LIMS2: variants seen among roughly 807,000 people sequenced by gnomAD.
LIMS2 encodes LIM zinc finger domain containing 2.
In LIMS2, 30 loss-of-function variants were observed where a neutral mutation model predicts 45.3. The ratio of observed to expected loss-of-function variants is 0.66; its 90% confidence interval spans 0.50 to 0.90. The LOEUF (loss-of-function observed/expected upper bound fraction) is 0.90, where lower values mean the gene tolerates loss of function less well. Ranked by LOEUF, LIMS2 falls within the 40% of genes least tolerant of loss-of-function variation. The pLI is 0.00. For missense variants in LIMS2, 485 were observed against 468.7 expected, an observed-to-expected ratio of 1.03 and a Z score of -0.32; for synonymous variants, 173 against 188.0, an observed-to-expected ratio of 0.92 and a Z score of 0.65.
rs1443107958 is a variant in LIMS2 at position 127,672,207 on chromosome 2, G to C, written c.11+2807C>G. ...AATGCCAGGGACAGCTGGGTCCCTA[G>C]GTAGGTGGCCTTAATATCCTCCCTG... On this transcript the variant is annotated intron_variant, in intron 1 of 9. Coordinates refer to ENST00000355119, the MANE Select transcript of LIMS2 (RefSeq NM_001161403.3). This position sits in a 1 kb window ranked among gnomAD's most constrained non-coding sequence, Gnocchi z 4.9. Among the ~76,000 whole-genome samples, 1 of 152,206 alleles carries C rather than the reference G, an allele frequency of 6.6e-6. No individual in the cohort carries two copies. The highest frequency in any genetic ancestry group is 1.5e-5 in the Non-Finnish European group (1 of 68,030).
At chr2:127,668,691 A>C (rs1171091246) in intron 1 of LIMS2, among the ~76,000 whole-genome samples, 129 of 132,562 alleles carry the variant, frequency 9.7e-4, no homozygotes, top group Middle Eastern at 3.6e-3. Flanking sequence ...AAAAAAAAAA[A>C]AAAAAAAAAA....
intron 1 of LIMS2, chr2:127,674,631 G>GA (rs1424052529): frequency 2.0e-6 from 2 of 985,270 alleles, no homozygotes; most frequent in East Asian, 2.3e-4. Context: ...CGGGATCGGG[G>GA]ATCGCACAGC....
At position 127,640,308 on chromosome 2, in the gene LIMS2, TC is replaced by T. The variant is rs771000238; in HGVS notation, c.763del (p.Asp255ThrfsTer9). 18 of 1,612,776 alleles carry T rather than the reference TC, an allele frequency of 1.1e-5. No homozygotes were observed. The highest frequency in any genetic ancestry group is 3.4e-4 in the Middle Eastern group (2 of 5,874). ...CETHYNQLFG[D>X]VCYNCSHVIE... The stretch of plus-strand genomic sequence containing the variant: ...CACATGGCTGCAGTTGTAGCAGACG[TC>T]CCCGAAGAGCTGTGGGCCGAGCAGG... On this transcript the variant is annotated frameshift_variant, in exon 8 of 10. Transcript: ENST00000355119. LOFTEE classifies it high-confidence loss of function.
chr2:127,644,881 C>T (rs1454569106), intron 4 of LIMS2, among the ~76,000 whole-genome samples: 3 of 152,232 alleles, frequency 2.0e-5, no homozygotes, highest in African/African-American at 7.2e-5. Context: ...GCTCAGACAC[C>T]TCACACCCAG....
intron 1 of LIMS2, among the ~76,000 whole-genome samples, chr2:127,662,499 G>A (rs1684733833): frequency 6.6e-6 from 1 of 151,910 alleles, no homozygotes; most frequent in Non-Finnish European, 1.5e-5. Context: ...CAACAAAAAT[G>A]TACAAAAAGC....
At position 127,671,107 on chromosome 2, in the gene LIMS2, C is replaced by T. The variant is rs1685252833; in HGVS notation, c.11+3907G>A. ...ACAGTGCCTCCCTTGGCCCCTTTCCCACCTGGAAGTGAAGACCTAAGGGAT... is the reference window on the plus strand; with the variant it reads ...ACAGTGCCTCCCTTGGCCCCTTTCCTACCTGGAAGTGAAGACCTAAGGGAT... On this transcript the variant is annotated intron_variant, in intron 1 of 9. Coordinates refer to ENST00000355119, the MANE Select transcript of LIMS2 (RefSeq NM_001161403.3). The surrounding 1 kb of genome is among the most constrained non-coding windows in gnomAD (Gnocchi z 4.1). Among the ~76,000 whole-genome samples the T allele has an allele frequency of 6.6e-6, 1 of 152,148 alleles. No homozygotes were observed. Among genetic ancestry groups the T allele is most frequent in the Non-Finnish European group, 1.5e-5 (1 of 68,016 alleles).
At chr2:127,676,685 C>T (rs1340652404), upstream of LIMS2, among the ~76,000 whole-genome samples, 3 of 152,094 alleles carry the variant, frequency 2.0e-5, no homozygotes, top group Non-Finnish European at 2.9e-5. Context: ...TTGTTGCGAG[C>T]GTGTCTCAGC....
intron 1 of LIMS2, among the ~76,000 whole-genome samples, chr2:127,660,606 C>T (rs996799705): frequency 1.3e-5 from 2 of 152,192 alleles, no homozygotes; most frequent in Non-Finnish European, 2.9e-5. Context: ...AAGGAAGAAA[C>T]TCCGGACATA....
intron 4 of LIMS2, chr2:127,646,508 A>G (rs1023571568): frequency 1.3e-5 from 2 of 152,256 alleles, no homozygotes; most frequent in African/African-American, 4.8e-5. Flanking sequence ...GCTGCCCCTA[A>G]CCATTAGGCA....
rs140034799 is a variant in LIMS2, at chr2:127,658,779, T to A, written c.12-1217A>T. 4.8e-3 allele frequency among the ~76,000 whole-genome samples: 725 copies of A among 152,236 alleles called. 3 individuals carry two copies. The highest frequency in any genetic ancestry group is 0.017 in the African/African-American group (693 of 41,538). On this transcript the variant is annotated intron_variant, in intron 1 of 9. Coordinates refer to ENST00000355119, the MANE Select transcript of LIMS2 (RefSeq NM_001161403.3). ...TGGAAGACTGGGCAGAGAGGGAGCA[T>A]CAGGCTCGCTGGGGAGTGACGCAAC...
chr2:127,651,931 G>A (rs746146045), intron 4 of LIMS2: 1 of 651,408 alleles, frequency 1.5e-6, no homozygotes, highest in Non-Finnish European at 2.7e-6. Flanking sequence ...CTGACAAAGG[G>A]GATCCATCGG....
At chr2:127,673,638 G>T in intron 1 of LIMS2, 1 of 1,544,062 alleles carries the variant, frequency 6.5e-7, no homozygotes, top group Non-Finnish European at 8.8e-7. Context: ...TGTTCTCCTC[G>T]ACATCCCTCC....
chr2:127,645,988 AG>A (rs1573769218), intron 4 of LIMS2: 1 of 152,946 alleles, frequency 6.5e-6, no homozygotes, highest in East Asian at 1.9e-4. Context: ...GGCATGGGCT[AG>A]GGACACACTA....
rs574427928 is a variant in LIMS2, at chr2:127,654,717, T to C, written c.238+113A>G. ...ACGGCTGCCGCTCAGAGAGGCAAGGTGGGGAGTTAGGAAAGAGCTGGGCCA... is the reference window on the plus strand; with the variant it reads ...ACGGCTGCCGCTCAGAGAGGCAAGGCGGGGAGTTAGGAAAGAGCTGGGCCA... On this transcript the variant is annotated intron_variant, in intron 3 of 9. Coordinates refer to ENST00000355119, the MANE Select transcript of LIMS2 (RefSeq NM_001161403.3). The C allele has an allele frequency of 1.1e-4, 159 of 1,460,506 alleles. No individual in the cohort carries two copies. The Middle Eastern group carries it at 1.6e-3, about 15-fold the overall frequency. The allele number at this position is 1,460,506 out of a possible 1,614,324, so 90.5% of individuals were successfully genotyped here.
At position 127,664,310 on chromosome 2, in the gene LIMS2, T is replaced by C. The variant is rs968524490; in HGVS notation, c.12-6748A>G. The C allele has an allele frequency of 4.9e-4, 602 of 1,233,220 alleles. No homozygotes were observed. Among genetic ancestry groups the C allele is most frequent in the Non-Finnish European group, 5.9e-4 (580 of 989,044 alleles). 76.4% of individuals were successfully genotyped at this position (1,233,220 alleles called of 1,614,324 possible). On this transcript the variant is annotated intron_variant, in intron 1 of 9. Coordinates refer to ENST00000355119, the MANE Select transcript of LIMS2 (RefSeq NM_001161403.3). The surrounding 1 kb of genome is among the most constrained non-coding windows in gnomAD (Gnocchi z 5.5). ...GCCCCGCCCCTGGCCACCTACCCCG[T>C]GGCTGGCGGCGGGCTCTGCCGGTGC...
chr2:127,641,359 A>C, intron 6 of LIMS2: 1 of 232,392 alleles, frequency 4.3e-6, no homozygotes, highest in Non-Finnish European at 8.8e-6. Flanking sequence ...GTGGGCCCTC[A>C]TAGGCAGAGG....
chr2:127,679,046 C>T (rs936043011), upstream of LIMS2, among the ~76,000 whole-genome samples: 7 of 152,174 alleles, frequency 4.6e-5, no homozygotes, highest in South Asian at 2.1e-4. The surrounding 1 kb of genome is among the most constrained non-coding windows in gnomAD (Gnocchi z 5.3). Context: ...CACAGAAGCC[C>T]GGAGGGAAAG....
rs1684884698 is a variant in LIMS2 at position 127,664,429 on chromosome 2, C to G, written c.12-6867G>C. 8.4e-7 allele frequency: 1 copy of G among 1,191,684 alleles called. No homozygotes were observed. The highest frequency in any genetic ancestry group is 3.6e-5 in the East Asian group (1 of 27,804). The allele number at this position is 1,191,684 out of a possible 1,614,324, so 73.8% of individuals were successfully genotyped here. A position where few individuals can be genotyped will look rare whatever the true frequency, so the allele number is the denominator to read the frequency against. On this transcript the variant is annotated intron_variant, in intron 1 of 9. Transcript: ENST00000355119. This position sits in a 1 kb window ranked among gnomAD's most constrained non-coding sequence, Gnocchi z 5.5. Reference sequence around the variant, plus strand: ...CCTTGAGGTCGCGGGCGCGGGCCGCCTGGTGCAGGGGCTATGGGACCACCT... The same window carrying G: ...CCTTGAGGTCGCGGGCGCGGGCCGCGTGGTGCAGGGGCTATGGGACCACCT...
chr2:127,650,574 T>C (rs1368451430), intron 4 of LIMS2: 11 of 628,008 alleles, frequency 1.8e-5, no homozygotes, highest in African/African-American at 3.7e-5. Context: ...GACAAGGAGG[T>C]CCCCTCAGCA....
Sources: allele counts gnomAD v4.1 joint callset (sites outside exome capture counted in the v4.1 genomes callset), GRCh38; gene constraint gnomAD v4.1.1; non-coding constraint Gnocchi (gnomAD v3.1); transcripts MANE v1.5; gene names NCBI Gene and HGNC (gene_info 2026-07-23, HGNC 2026-07-21).